Variants in MFAP1 observed in about 807,000 individuals in gnomAD.
The protein encoded by MFAP1 is microfibril associated protein 1.
A neutral mutation model predicts 62.2 loss-of-function variants in MFAP1; 18 were observed. The ratio of observed to expected loss-of-function variants is 0.29; its 90% CI spans 0.20 to 0.43. MFAP1 has a LOEUF of 0.43. Among genes scored for constraint, MFAP1 ranks in the 20% least tolerant of loss-of-function variants. The probability of loss-of-function intolerance (pLI) is 1.00; values close to 1 mark genes in which losing one functional copy is unlikely to be tolerated. For synonymous variants in MFAP1, 175 were observed against 180.4 expected, an observed-to-expected ratio of 0.97 and a Z score of 0.24; for missense variants, 355 against 559.7, an observed-to-expected ratio of 0.63 and a Z score of 3.69.
At chr15:43,810,751 T>C (rs1401692320) in intron 6 of MFAP1, among the ~76,000 whole-genome samples, 1 of 151,058 alleles carries the variant, frequency 6.6e-6, no homozygotes, top group East Asian at 2.0e-4. Context: ...ACACACAATT[T>C]TGTGTACAAT....
chr15:43,818,691 G>C (rs1031836146), intron 1 of MFAP1, among the ~76,000 whole-genome samples: 2 of 151,952 alleles, frequency 1.3e-5, no homozygotes, highest in African/African-American at 4.8e-5. Flanking sequence ...CCAGGAGTTC[G>C]AGACCAGCCT....
chr15:43,807,135 A>C (rs1172414838), intron 7 of MFAP1, among the ~76,000 whole-genome samples: 2 of 151,690 alleles, frequency 1.3e-5, no homozygotes, highest in African/African-American at 2.4e-5. Flanking sequence ...CACATCGCCT[A>C]AGGTCAGGAG....
At chr15:43,812,688 T>C (rs1275549975) in intron 6 of MFAP1, among the ~76,000 whole-genome samples, 1 of 152,336 alleles carries the variant, frequency 6.6e-6, no homozygotes, top group Non-Finnish European at 1.5e-5. Context: ...CAATTGTGGG[T>C]TGGGTTGTAC....
intron 4 of MFAP1, among the ~76,000 whole-genome samples, chr15:43,813,600 T>C (rs1396857575): frequency 1.3e-4 from 19 of 141,256 alleles, no homozygotes; most frequent in Non-Finnish European, 1.5e-5. Flanking sequence ...AACCTCCGCC[T>C]CCTGGGTTCA....
At chr15:43,821,105 C>T (rs1410669504) in intron 1 of MFAP1, among the ~76,000 whole-genome samples, 2 of 152,030 alleles carry the variant, frequency 1.3e-5, no homozygotes, top group South Asian at 2.1e-4. Flanking sequence ...TTTGGGGTCT[C>T]GCTATGTTGC....
chr15:43,815,175 A>G, intron 2 of MFAP1, 101 bp from the exon 3 acceptor site: 1 of 1,486,366 alleles, frequency 6.7e-7, no homozygotes, highest in Non-Finnish European at 9.1e-7. Flanking sequence ...TGCCTTCATT[A>G]ATACTGAAGT....
chr15:43,807,489 C>A (rs1014319807), intron 7 of MFAP1, among the ~76,000 whole-genome samples: 3 of 151,390 alleles, frequency 2.0e-5, no homozygotes, highest in Non-Finnish European at 4.4e-5. Flanking sequence ...GCTGTGACTA[C>A]AGGCGCCCGC....
intron 1 of MFAP1, among the ~76,000 whole-genome samples, chr15:43,817,694 G>C (rs2087442508): frequency 6.6e-6 from 1 of 152,222 alleles, no homozygotes; most frequent in African/African-American, 2.4e-5. Flanking sequence ...CAATGAAGTA[G>C]AGGAAGGTAG....
intron 7 of MFAP1, among the ~76,000 whole-genome samples, chr15:43,809,382 C>G (rs1296014217): frequency 4.6e-5 from 7 of 150,914 alleles, no homozygotes; most frequent in African/African-American, 1.7e-4. Context: ...TGCCTGTAGT[C>G]CCAGCTACTC....
intron 2 of MFAP1, 130 bp downstream of exon 2, chr15:43,817,099 A>G (rs2087438329): frequency 1.1e-6 from 1 of 942,014 alleles, no homozygotes; most frequent in Non-Finnish European, 1.6e-6. Context: ...CCTATTTCAT[A>G]AAGTTATTGT....
chr15:43,810,362 T>G (rs1222360034), intron 6 of MFAP1, among the ~76,000 whole-genome samples: 1 of 151,608 alleles, frequency 6.6e-6, no homozygotes, highest in African/African-American at 2.4e-5. Context: ...GCAGTAACTT[T>G]TTTTTTTTTT....
At chr15:43,814,453 GGAAA>G in intron 4 of MFAP1, 44 bp downstream of exon 4, 2 of 1,544,044 alleles carry the variant, frequency 1.3e-6, no homozygotes, top group Non-Finnish European at 1.7e-6. Flanking sequence ...CTCCAGGCCT[GGAAA>G]GTGGTAATTA....
intron 3 of MFAP1, 109 bp downstream of exon 3, chr15:43,814,834 CAG>C: frequency 6.6e-7 from 1 of 1,508,446 alleles, no homozygotes; most frequent in East Asian, 2.3e-5. Context: ...GGAACATGAT[CAG>C]AGTCCTGCCA....
In MFAP1 at chr15:43,817,239, C is replaced by T; in HGVS notation, c.289G>A (p.Val97Met). Residue 97 changes from valine (V) to methionine (M), a missense_variant, in exon 2 of 9, where the codon GTG (valine) becomes ATG (methionine). Coordinates refer to ENST00000267812, the MANE Select transcript of MFAP1 (RefSeq NM_005926.3). ...RRLQNRISED[V>M]EERLARHRKI... is the part of the protein sequence containing the mutation. ...AATCACAGACATTACCTCTCTTCCA[C>T]ATCTTCACTAATACGGTTCTGTAAA... is the stretch of plus-strand genomic sequence containing the variant. The T allele has an allele frequency of 3.1e-6, 5 of 1,613,506 alleles. No homozygotes were observed. The highest frequency in any genetic ancestry group is 4.2e-6 in the Non-Finnish European group (5 of 1,180,014).
At chr15:43,810,217 C>CA in intron 6 of MFAP1, 2 of 259,894 alleles carry the variant, frequency 7.7e-6, no homozygotes, top group Admixed American at 5.1e-5. Context: ...GTCTTCTTAG[C>CA]TTTAAAAAAA....
In MFAP1 at chr15:43,805,107, C is replaced by T. The variant is rs767759857; in HGVS notation, c.1307G>A (p.Arg436Gln). 1.5e-5 allele frequency: 23 copies of T among 1,582,272 alleles called. No individual in the cohort carries two copies. The highest frequency in any genetic ancestry group is 5.4e-5 in the African/African-American group (4 of 74,248). The stretch of plus-strand genomic sequence containing the variant: ...AGCAGTTGGACCCTAGGTAGTTTTC[C>T]GCTTCTTGGCAGATGGCCGCTCAAA... ...DVFERPSAKK[R>Q]KTT Residue 436 changes from arginine (R) to glutamine (Q), a missense_variant, in exon 9 of 9, where the codon CGG (arginine) becomes CAG (glutamine). Physicochemically the swap from Arg to Gln is conservative, Grantham distance 43. Coordinates refer to ENST00000267812, the MANE Select transcript of MFAP1 (RefSeq NM_005926.3).
chr15:43,805,172 T>C lies in MFAP1; in HGVS notation c.1242A>G (p.Thr414=), dbSNP rs1342851916. The C allele has an allele frequency of 6.2e-7, 1 of 1,603,706 alleles. No individual in the cohort carries two copies. Among genetic ancestry groups the C allele is most frequent in the Admixed American group, 1.7e-5 (1 of 59,844 alleles). Residue 414 remains threonine (T), a synonymous_variant, in exon 9 of 9, where the codon ACA becomes ACG. Transcript: ENST00000267812. The part of the protein sequence containing the change: ...SAWGQESAQN[T]KFFKQKAAGV... ...CAGCTGCCTTTTGTTTGAAGAACTT[T>C]GTGTTCTGGGCACTCTCTTGGCCCC...
intron 1 of MFAP1, among the ~76,000 whole-genome samples, chr15:43,823,299 T>C (rs1209160587): frequency 6.6e-6 from 1 of 152,036 alleles, no homozygotes; most frequent in Non-Finnish European, 1.5e-5. Flanking sequence ...TCTTATGTTC[T>C]TATAACTTAC....
chr15:43,814,784 C>A (rs1379736204), intron 3 of MFAP1, 96 bp from the exon 4 acceptor site: 1 of 1,498,796 alleles, frequency 6.7e-7, no homozygotes, highest in Non-Finnish European at 9.0e-7. Context: ...AAAGATACAA[C>A]TTAGTATCAT....
Sources: gnomAD v4.1 joint callset for allele counts (sites outside exome capture counted in the v4.1 genomes callset) on GRCh38, gnomAD v4.1.1 for gene constraint, MANE v1.5 for transcripts, NCBI Gene and HGNC (gene_info 2026-07-23, HGNC 2026-07-21) for gene names.